IGF2: variants seen among roughly 807,000 people sequenced by gnomAD.
IGF2 encodes the protein insulin-like growth factor 2.
Under a neutral mutation model 12.0 loss-of-function variants are expected in IGF2, and 2 were observed. That is an observed-to-expected ratio of 0.17 (90% CI 0.07 to 0.52). IGF2 has a LOEUF of 0.52. Among genes scored for constraint, IGF2 ranks in the 20% least tolerant of loss-of-function variants. IGF2 has a pLI of 0.95. For synonymous variants in IGF2, 105 were observed against 110.1 expected (o/e 0.95, Z 0.29); for missense variants, 211 against 268.0 (o/e 0.79, Z 1.48).
At position 2,130,953 on chromosome 11, in the gene IGF2, A is replaced by C. The variant is rs1355124064; in HGVS notation, c.*2034T>G. 2 of 221,070 alleles carry C rather than the reference A, an allele frequency of 9.0e-6. No homozygotes were observed. The highest frequency in any genetic ancestry group is 4.5e-5 in the African/African-American group (2 of 44,528). 13.7% of individuals were successfully genotyped at this position (221,070 alleles called of 1,614,324 possible). ...CCTTCCAGGAGCACACCAGGGAGTC[A>C]GGCTACTCGTGGGGGCATGTCTGCT... is the stretch of plus-strand genomic sequence containing the variant. On this transcript the variant is annotated 3_prime_UTR_variant, in exon 4 of 4. Transcript: ENST00000416167.
rs1473808779 is a variant in IGF2 at position 2,138,696 on chromosome 11, G to A, written c.-474C>T. 2 of 843,794 alleles carry A rather than the reference G, an allele frequency of 2.4e-6. No homozygotes were observed. The highest frequency in any genetic ancestry group is 2.8e-6 in the Non-Finnish European group (2 of 706,268). 52.3% of individuals were successfully genotyped at this position (843,794 alleles called of 1,614,324 possible). On this transcript the variant is annotated 5_prime_UTR_variant, in exon 1 of 4. Transcript: ENST00000416167. ...TTTGGTTCGGCGAAGGCGAGAGGGC[G>A]GGCGTGAGGGGGGGAGGGAGTCGGA...
upstream of IGF2, among the ~76,000 whole-genome samples, chr11:2,143,537 G>A (rs1007746339): frequency 6.6e-6 from 1 of 152,054 alleles, no homozygotes; most frequent in Admixed American, 6.6e-5. Context: ...CGACCACCAC[G>A]GACCAAGGGC....
At chr11:2,140,798 G>C, upstream of IGF2, 1 of 310,292 alleles carries the variant, frequency 3.2e-6, no homozygotes, top group South Asian at 2.4e-5. Context: ...CAGCAGATGC[G>C]GGCCGAGAGC....
chr11:2,138,064 A>G (rs1859210333), intron 1 of IGF2, among the ~76,000 whole-genome samples, 165 bp downstream of exon 1: 1 of 150,486 alleles, frequency 6.6e-6, no homozygotes, highest in African/African-American at 2.5e-5. Context: ...CGGGACCCGC[A>G]GCCGTCCGTC....
At chr11:2,147,833 T>A in the IGF2 span, 1 of 1,237,420 alleles carries the variant, frequency 8.1e-7, no homozygotes. The surrounding 1 kb of genome is among the most constrained non-coding windows in gnomAD (Gnocchi z 7.2). Flanking sequence ...AAGATATTGC[T>A]GAGATGACCT....
Position 2,131,732 on chromosome 11 carries a change from T to C in IGF2, c.*1255A>G. The C allele has an allele frequency of 5.1e-6, 1 of 196,542 alleles. No individual in the cohort carries two copies. The highest frequency in any genetic ancestry group is 9.9e-6 in the Non-Finnish European group (1 of 101,286). The allele number at this position is 196,542 out of a possible 1,614,324, so 12.2% of individuals were successfully genotyped here. A position where few individuals can be genotyped will look rare whatever the true frequency, so the allele number is the denominator to read the frequency against. On this transcript the variant is annotated 3_prime_UTR_variant, in exon 4 of 4. Transcript: ENST00000416167. Reference sequence around the variant, plus strand: ...TGTGCTGTGTTCGTGTGTGCTGTGTTCGCGTGTGTGTGCTGTGTGTGCATG... The same window carrying C: ...TGTGCTGTGTTCGTGTGTGCTGTGTCCGCGTGTGTGTGCTGTGTGTGCATG...
chr11:2,135,576 C>A (rs1256713466), intron 1 of IGF2, 47 bp from the exon 2 acceptor site: 1 of 1,573,604 alleles, frequency 6.4e-7, no homozygotes, highest in South Asian at 1.2e-5. Context: ...CAGGCCAAGC[C>A]CCAGGCCAGA....
At chr11:2,147,863 C>T in the IGF2 span, 5 of 1,178,452 alleles carry the variant, frequency 4.2e-6, no homozygotes, top group Non-Finnish European at 4.3e-6. The surrounding 1 kb of genome is among the most constrained non-coding windows in gnomAD (Gnocchi z 7.2). Flanking sequence ...GCAAAGCCCC[C>T]CTCCCCATAC....
rs990911051 is a variant in IGF2 at position 2,130,468 on chromosome 11, C to G, written c.*2519G>C. 1 of 220,506 alleles carries G rather than the reference C, an allele frequency of 4.5e-6. No homozygotes were observed. The highest frequency in any genetic ancestry group is 6.5e-5 in the East Asian group (1 of 15,466). 13.7% of individuals were successfully genotyped at this position (220,506 alleles called of 1,614,324 possible). ...GGGCGATAAATGGCGGGGGGCAGGA[C>G]GTGGTGGTCTCCAGGCTGGCTTCGT... On this transcript the variant is annotated 3_prime_UTR_variant, in exon 4 of 4. Transcript: ENST00000416167.
At chr11:2,134,210 TC>T in intron 2 of IGF2, 1 of 470,534 alleles carries the variant, frequency 2.1e-6, no homozygotes, top group South Asian at 1.6e-5. Context: ...CTTCCCCCTC[TC>T]CCCCACAGCA....
Position 2,131,644 on chromosome 11 carries a change from A to ATG in IGF2, c.*1341_*1342dup, listed in dbSNP as rs755229164. ...CATGTGTGTGCTGTGTGCTGTGTTCATGTGTGTGCTGTGTGTGCGTGTGCT... is the reference window on the plus strand; with the variant it reads ...CATGTGTGTGCTGTGTGCTGTGTTCATGTGTGTGTGCTGTGTGTGCGTGTGCT... On this transcript the variant is annotated 3_prime_UTR_variant, in exon 4 of 4. Transcript: ENST00000416167. 1 of 159,512 alleles carries ATG rather than the reference A, an allele frequency of 6.3e-6. No individual in the cohort carries two copies. The highest frequency in any genetic ancestry group is 1.1e-5 in the Non-Finnish European group (1 of 90,012). The allele number at this position is 159,512 out of a possible 1,614,324, so 9.9% of individuals were successfully genotyped here. A position where few individuals can be genotyped will look rare whatever the true frequency, so the allele number is the denominator to read the frequency against.
upstream of IGF2, among the ~76,000 whole-genome samples, chr11:2,139,717 C>A (rs1859420947): frequency 6.6e-6 from 1 of 151,866 alleles, no homozygotes; most frequent in African/African-American, 2.4e-5. Flanking sequence ...TTCTGGGGTG[C>A]CCGGGCGGCC....
Position 2,129,179 on chromosome 11 carries a change from A to G in IGF2, c.*3808T>C, listed in dbSNP as rs557421937. 2.6e-4 allele frequency: 49 copies of G among 191,056 alleles called. No homozygotes were observed. Among genetic ancestry groups the G allele is most frequent in the African/African-American group, 1.1e-3 (48 of 43,074 alleles). 11.8% of individuals were successfully genotyped at this position (191,056 alleles called of 1,614,324 possible). On this transcript the variant is annotated 3_prime_UTR_variant, in exon 4 of 4. Transcript: ENST00000416167. The surrounding 1 kb of genome is among the most constrained non-coding windows in gnomAD (Gnocchi z 8.1). Reference sequence around the variant, plus strand: ...ACAAGGTTAAAGACAAAACCCAAGCATGGGATTTTGCCGGAAATATTAGCG... The same window carrying G: ...ACAAGGTTAAAGACAAAACCCAAGCGTGGGATTTTGCCGGAAATATTAGCG...
the IGF2 span, chr11:2,148,662 C>T: frequency 1.2e-5 from 2 of 173,638 alleles, 1 homozygote; most frequent in South Asian, 3.1e-4. The surrounding 1 kb of genome is among the most constrained non-coding windows in gnomAD (Gnocchi z 4.3). Flanking sequence ...ATCTCTGCGC[C>T]AGAATCTCGG....
At chr11:2,143,796 T>C (rs1564903057), upstream of IGF2, among the ~76,000 whole-genome samples, 1 of 152,268 alleles carries the variant, frequency 6.6e-6, no homozygotes. Flanking sequence ...TGCTTAAATT[T>C]AGAGGATCCC....
chr11:2,136,949 T>G (rs3213216), intron 1 of IGF2, among the ~76,000 whole-genome samples: 1 of 151,930 alleles, frequency 6.6e-6, no homozygotes, highest in Non-Finnish European at 1.5e-5. Flanking sequence ...CCAGGAAAAG[T>G]CCTGAGCTGG....
At chr11:2,147,081 C>T in the IGF2 span, 9 of 153,000 alleles carry the variant, frequency 5.9e-5, no homozygotes, top group Non-Finnish European at 1.0e-4. This position sits in a 1 kb window ranked among gnomAD's most constrained non-coding sequence, Gnocchi z 7.2. Context: ...AAATACAGAC[C>T]GACAGAAAGG....
intron 1 of IGF2, among the ~76,000 whole-genome samples, chr11:2,136,288 C>T (rs940581158): frequency 2.6e-5 from 4 of 152,256 alleles, no homozygotes; most frequent in African/African-American, 9.6e-5. Flanking sequence ...CCAGAGCCTC[C>T]TTTCCAGGCC....
chr11:2,134,127 A>G, intron 2 of IGF2: 1 of 512,810 alleles, frequency 2.0e-6, no homozygotes, highest in East Asian at 6.2e-5. Context: ...CAGGGAGACA[A>G]GGGCAGGAGA....
Sources: gnomAD v4.1 joint callset for allele counts (sites outside exome capture counted in the v4.1 genomes callset) on GRCh38, gnomAD v4.1.1 for gene constraint, Gnocchi (gnomAD v3.1) non-coding constraint, MANE v1.5 for transcripts, NCBI Gene and HGNC (gene_info 2026-07-23, HGNC 2026-07-21) for gene names.